The following TANK variants were observed in gnomAD, a reference collection of about 807,000 sequenced individuals.
TANK encodes the protein TRAF family member-associated NF-kappa-B activator.
In TANK, 15 loss-of-function variants were observed where a neutral mutation model predicts 43.6. The observed-to-expected ratio is 0.34, with a 90% confidence interval of 0.23 to 0.53. The LOEUF (loss-of-function observed/expected upper bound fraction) is 0.53, where lower values mean the gene tolerates loss of function less well. TANK is among the 20% of genes least tolerant of loss of function. The pLI is 0.94. For missense variants in TANK, 417 were observed against 498.6 expected, an observed-to-expected ratio of 0.84 and a Z score of 1.56; for synonymous variants, 162 against 178.2, an observed-to-expected ratio of 0.91 and a Z score of 0.73.
At chr2:161,161,084 C>T (rs557548365) in intron 1 of TANK, 1 of 889,074 alleles carries the variant, frequency 1.1e-6, no homozygotes, top group South Asian at 1.9e-5. Flanking sequence ...ACCCCGCCCA[C>T]AGTGGGAACC....
chr2:161,212,847 G>A, intron 4 of TANK: 1 of 812,094 alleles, frequency 1.2e-6, no homozygotes, highest in Middle Eastern at 6.3e-4. Context: ...CTGTATTGCT[G>A]TAAAGGAATA....
intron 1 of TANK, among the ~76,000 whole-genome samples, chr2:161,142,870 G>A (rs1477746366): frequency 1.3e-5 from 2 of 152,056 alleles, no homozygotes; most frequent in Admixed American, 1.3e-4. Context: ...AAATGTCAGT[G>A]GTAGTTTGAT....
chr2:161,187,551 T>G (rs1433385653), intron 2 of TANK, among the ~76,000 whole-genome samples: 5 of 152,124 alleles, frequency 3.3e-5, no homozygotes, highest in Admixed American at 3.3e-4. Context: ...ATGCCAGAGC[T>G]CCAAAGTATA....
intron 1 of TANK, among the ~76,000 whole-genome samples, chr2:161,168,705 C>T (rs1378752266): frequency 6.6e-6 from 1 of 152,024 alleles, no homozygotes; most frequent in Non-Finnish European, 1.5e-5. Context: ...TGGTGGCGTG[C>T]GCCTGTAATC....
At chr2:161,182,707 G>C (rs375505530) in intron 2 of TANK, among the ~76,000 whole-genome samples, 10 of 152,080 alleles carry the variant, frequency 6.6e-5, no homozygotes, top group African/African-American at 2.4e-4. Flanking sequence ...AGACTTCATT[G>C]ATTGTCCATG....
intron 2 of TANK, among the ~76,000 whole-genome samples, chr2:161,197,783 T>G (rs2105333416): frequency 6.6e-6 from 1 of 152,260 alleles, no homozygotes; most frequent in South Asian, 2.1e-4. Flanking sequence ...GAGCAGCCCT[T>G]ATAACTTAAT....
intron 2 of TANK, among the ~76,000 whole-genome samples, chr2:161,182,084 AT>A (rs375481030): frequency 7.9e-4 from 119 of 150,644 alleles, no homozygotes; most frequent in East Asian, 5.8e-4. Flanking sequence ...TAGAATTTGG[AT>A]TTTTTTTTTC....
intron 6 of TANK, among the ~76,000 whole-genome samples, chr2:161,225,783 C>A (rs1306607171): frequency 6.6e-6 from 1 of 152,184 alleles, no homozygotes; most frequent in African/African-American, 2.4e-5. Flanking sequence ...GCAGCTCTTA[C>A]ATCTAGGCTA....
At chr2:161,160,365 A>T, upstream of TANK, 1 of 1,158,144 alleles carries the variant, frequency 8.6e-7, no homozygotes, top group Non-Finnish European at 1.1e-6. Flanking sequence ...GTGAAGAGTT[A>T]ATGGCTCCGC....
At chr2:161,171,160 T>C (rs1378806457) in intron 1 of TANK, among the ~76,000 whole-genome samples, 1 of 152,118 alleles carries the variant, frequency 6.6e-6, no homozygotes, top group African/African-American at 2.4e-5. Flanking sequence ...GGGTAGAAAG[T>C]TGGGTAATTT....
intron 3 of TANK, 86 bp from the exon 4 acceptor site, chr2:161,204,589 T>G: frequency 8.1e-7 from 1 of 1,237,192 alleles, no homozygotes; most frequent in Non-Finnish European, 1.1e-6. Context: ...TCTTTATGGT[T>G]TTGAGTTTGT....
At chr2:161,217,584 TTTGTG>T (rs1483279104) in intron 4 of TANK, among the ~76,000 whole-genome samples, 1 of 136,826 alleles carries the variant, frequency 7.3e-6, no homozygotes, top group East Asian at 2.1e-4. Flanking sequence ...AGGTAGTTGG[TTTGTG>T]TGTGTGTGTG....
chr2:161,191,664 T>A lies in TANK; in HGVS notation c.100-11823T>A, dbSNP rs144307564. 5.1e-3 allele frequency among the ~76,000 whole-genome samples: 783 copies of A among 152,334 alleles called. 7 individuals are homozygous for A. The highest frequency in any genetic ancestry group is 0.017 in the African/African-American group (724 of 41,566). ...TAGAGCTAGAATTTGCAAAAAATGT[T>A]TGACCACAAACTTCTTGTCTATAAC... is the stretch of plus-strand genomic sequence containing the variant. On this transcript the variant is annotated intron_variant, in intron 2 of 7. Coordinates refer to ENST00000392749, the MANE Select transcript of TANK (RefSeq NM_001199135.3).
intron 1 of TANK, chr2:161,160,733 C>G: frequency 3.7e-6 from 2 of 544,878 alleles, no homozygotes; most frequent in Non-Finnish European, 7.1e-6. Flanking sequence ...AGCATAGCAT[C>G]GTCGGCCTCT....
intron 7 of TANK, among the ~76,000 whole-genome samples, chr2:161,233,538 C>T (rs1260416625): frequency 6.6e-6 from 1 of 151,956 alleles, no homozygotes; most frequent in East Asian, 1.9e-4. Context: ...TTTATATATT[C>T]AGCTATCATA....
intron 2 of TANK, chr2:161,202,742 CT>C: frequency 3.0e-6 from 1 of 338,780 alleles, no homozygotes; most frequent in South Asian, 2.4e-5. Context: ...TGGTGATACG[CT>C]TTTAAGACTG....
intron 1 of TANK, chr2:161,162,825 A>T (rs1231542669): frequency 6.6e-6 from 1 of 152,080 alleles, no homozygotes; most frequent in Non-Finnish European, 1.5e-5. Context: ...TAGATATTGG[A>T]TGTTCATTTG....
At chr2:161,209,915 G>T (rs777153692) in intron 4 of TANK, among the ~76,000 whole-genome samples, 1 of 152,136 alleles carries the variant, frequency 6.6e-6, no homozygotes, top group Non-Finnish European at 1.5e-5. Flanking sequence ...TCCAAAATAT[G>T]AAGTGAACAT....
At chr2:161,150,560 T>G (rs1486008717) in intron 1 of TANK, among the ~76,000 whole-genome samples, 1 of 151,640 alleles carries the variant, frequency 6.6e-6, no homozygotes, top group Non-Finnish European at 1.5e-5. Flanking sequence ...AGGTATAAAG[T>G]TAGATTATTG....
Sources: gnomAD v4.1 joint callset for allele counts (sites outside exome capture counted in the v4.1 genomes callset) on GRCh38, gnomAD v4.1.1 for gene constraint, MANE v1.5 for transcripts, NCBI Gene and HGNC (gene_info 2026-07-23, HGNC 2026-07-21) for gene names.